YME1L1: variants seen among roughly 807,000 people sequenced by gnomAD.
YME1L1 encodes the protein ATP-dependent zinc metalloprotease YME1L1.
In YME1L1, 39 loss-of-function variants were observed where a neutral mutation model predicts 90.4. The ratio of observed to expected loss-of-function variants is 0.43; its 90% CI spans 0.33 to 0.56. The LOEUF (loss-of-function observed/expected upper bound fraction) is 0.56, where lower values mean the gene tolerates loss of function less well. Ranked by LOEUF, YME1L1 falls within the 20% of genes least tolerant of loss-of-function variation. The pLI is 0.03. For synonymous variants in YME1L1, 284 were observed against 287.3 expected (o/e 0.99, Z 0.12); for missense variants, 617 against 868.4 (o/e 0.71, Z 3.64).
Position 27,110,506 on chromosome 10 carries a change from T to G in YME1L1, c.*1471A>C, listed in dbSNP as rs1254328618. 6.6e-6 allele frequency: 1 copy of G among 152,224 alleles called. No homozygotes were observed. Among genetic ancestry groups the G allele is most frequent in the Non-Finnish European group, 1.5e-5 (1 of 68,046 alleles). 9.4% of individuals were successfully genotyped at this position (152,224 alleles called of 1,614,324 possible). A position where few individuals can be genotyped will look rare whatever the true frequency, so the allele number is the denominator to read the frequency against. On this transcript the variant is annotated 3_prime_UTR_variant, in exon 19 of 19. Coordinates refer to ENST00000376016, the MANE Select transcript of YME1L1 (RefSeq NM_014263.4). ...TGAAGTCAACGTCAAGAATATAATC[T>G]GGTTGTAATACCAATACAATGTGTT...
At chr10:27,145,789 G>C (rs1481167639) in intron 2 of YME1L1, 199 bp from the exon 3 acceptor site, 3 of 372,900 alleles carry the variant, frequency 8.0e-6, no homozygotes, top group Non-Finnish European at 1.4e-5. Context: ...TTTGACATAG[G>C]TTAAAAAATT....
At chr10:27,123,834 C>T in intron 9 of YME1L1, 135 bp from the exon 10 acceptor site, 2 of 878,512 alleles carry the variant, frequency 2.3e-6, no homozygotes, top group Non-Finnish European at 3.3e-6. Flanking sequence ...TTTTGAAACA[C>T]AGCAAACCGT....
At chr10:27,138,952 A>G (rs2057057087) in intron 4 of YME1L1, among the ~76,000 whole-genome samples, 1 of 152,182 alleles carries the variant, frequency 6.6e-6, no homozygotes, top group African/African-American at 2.4e-5. Flanking sequence ...ATTAAAATAT[A>G]TCATGTCTTT....
intron 1 of YME1L1, among the ~76,000 whole-genome samples, chr10:27,150,077 A>AAAAT (rs71281562): frequency 0.24 from 35,723 of 150,590 alleles, 4,758 homozygotes; most frequent in East Asian, 0.56. Flanking sequence ...ACTCCATCTC[A>AAAAT]AAATAAATAA....
chr10:27,151,997 C>T lies in YME1L1; in HGVS notation c.33+2181G>A, dbSNP rs1369325382. Among the ~76,000 whole-genome samples the T allele has an allele frequency of 2.6e-5, 4 of 151,640 alleles. No homozygotes were observed. The East Asian group carries it at 5.8e-4, about 22-fold the overall frequency. On this transcript the variant is annotated intron_variant, in intron 1 of 18. Coordinates refer to ENST00000376016, the MANE Select transcript of YME1L1 (RefSeq NM_014263.4). ...TATCCCTGAGTAATGAGATTATGGG[C>T]GATCTTATTTATACTTTCAGCATTT...
chr10:27,120,955 T>C lies in YME1L1; in HGVS notation c.1299-408A>G, dbSNP rs145588351. Among the ~76,000 whole-genome samples the C allele has an allele frequency of 1.8e-3, 267 of 152,078 alleles. 1 individual carries two copies. The highest frequency in any genetic ancestry group is 6.1e-3 in the African/African-American group (251 of 41,476). On this transcript the variant is annotated intron_variant, in intron 12 of 18. Coordinates refer to ENST00000376016, the MANE Select transcript of YME1L1 (RefSeq NM_014263.4). ...AATACGAATAACTTCTACAGTAAAA[T>C]TTTTTCATAGTAACTTTAAACCTAG...
At chr10:27,145,726 A>C in intron 2 of YME1L1, 136 bp from the exon 3 acceptor site, 1 of 746,470 alleles carries the variant, frequency 1.3e-6, no homozygotes, top group Non-Finnish European at 1.9e-6. Flanking sequence ...ATTTAAAAAT[A>C]AATTGATGCA....
At chr10:27,126,628 G>A (rs1268118211) in intron 9 of YME1L1, 68 bp downstream of exon 9, 1 of 830,086 alleles carries the variant, frequency 1.2e-6, no homozygotes, top group African/African-American at 1.8e-5. Context: ...AAGTAATATA[G>A]GTTTTTTTTG....
At chr10:27,151,281 C>T (rs996910269) in intron 1 of YME1L1, among the ~76,000 whole-genome samples, 2 of 152,190 alleles carry the variant, frequency 1.3e-5, no homozygotes, top group Non-Finnish European at 2.9e-5. Flanking sequence ...GATCAGGGCC[C>T]ACTTCCAGTA....
At chr10:27,131,730 C>T (rs1253655126) in intron 8 of YME1L1, 129 bp downstream of exon 8, 1 of 635,358 alleles carries the variant, frequency 1.6e-6, no homozygotes, top group Non-Finnish European at 2.6e-6. Flanking sequence ...TCCCAAAATA[C>T]TAATGTTTCT....
At chr10:27,142,665 C>T (rs1276644902) in intron 3 of YME1L1, among the ~76,000 whole-genome samples, 180 bp from the exon 4 acceptor site, 1 of 152,164 alleles carries the variant, frequency 6.6e-6, no homozygotes, top group Non-Finnish European at 1.5e-5. Flanking sequence ...TTAACTACAT[C>T]TCACAGTTCT....
chr10:27,153,391 TTA>T (rs531402464), intron 1 of YME1L1: 235 of 335,608 alleles, frequency 7.0e-4, no homozygotes, highest in African/African-American at 4.9e-3. Context: ...TTCTTAAAAA[TTA>T]TGTTTTAAAA....
Position 27,114,593 on chromosome 10 carries a change from G to A in YME1L1, c.1935C>T (p.Thr645=). Residue 645 remains threonine, a synonymous_variant, in exon 18 of 19, where the codon ACC becomes ACT. Coordinates refer to ENST00000376016, the MANE Select transcript of YME1L1 (RefSeq NM_014263.4). The stretch of plus-strand genomic sequence containing the variant: ...GACTTAGTTTCCCTGTATCACTGTA[G>A]GTCATAACTCCAAGCTAAAACCAAA... ...FGMSEKLGVM[T]YSDTGKLSPE... 6.2e-7 allele frequency: 1 copy of A among 1,612,468 alleles called. No homozygotes were observed. The highest frequency in any genetic ancestry group is 8.5e-7 in the Non-Finnish European group (1 of 1,179,590).
chr10:27,121,505 G>T, intron 11 of YME1L1, 57 bp from the exon 12 acceptor site: 1 of 1,238,956 alleles, frequency 8.1e-7, no homozygotes, highest in Non-Finnish European at 1.2e-6. Flanking sequence ...CACACATGTA[G>T]AAATGCTCTA....
chr10:27,126,905 C>T (rs1371004088), intron 8 of YME1L1, 119 bp from the exon 9 acceptor site: 3 of 603,094 alleles, frequency 5.0e-6, no homozygotes, highest in Non-Finnish European at 8.5e-6. Context: ...CTGACCTTCT[C>T]TGTTTCAGTA....
chr10:27,131,516 T>C (rs1027995397), intron 8 of YME1L1, among the ~76,000 whole-genome samples: 1 of 152,216 alleles, frequency 6.6e-6, no homozygotes, highest in African/African-American at 2.4e-5. Flanking sequence ...AAATATCTAC[T>C]ATGTGTCAAG....
At chr10:27,147,034 G>C (rs370558188) in intron 2 of YME1L1, 1 of 234,770 alleles carries the variant, frequency 4.3e-6, no homozygotes, top group Non-Finnish European at 8.3e-6. Context: ...GCTTAGGGAC[G>C]GGGGCAAACA....
At chr10:27,115,960 G>C in intron 17 of YME1L1, 100 bp downstream of exon 17, 1 of 1,060,972 alleles carries the variant, frequency 9.4e-7, no homozygotes, top group Non-Finnish European at 1.4e-6. Flanking sequence ...TTTGGAGTGA[G>C]AGAAAAAGTG....
At chr10:27,114,389 G>T in intron 18 of YME1L1, 132 bp downstream of exon 18, 1 of 644,044 alleles carries the variant, frequency 1.6e-6, no homozygotes, top group Non-Finnish European at 2.6e-6. Context: ...AGACACCATG[G>T]TGACTATTAT....
Sources: allele counts gnomAD v4.1 joint callset (sites outside exome capture counted in the v4.1 genomes callset), GRCh38; gene constraint gnomAD v4.1.1; transcripts MANE v1.5; gene names NCBI Gene and HGNC (gene_info 2026-07-23, HGNC 2026-07-21).